DYNC2I1: variants seen among roughly 807,000 people sequenced by gnomAD.
DYNC2I1 encodes dynein 2 intermediate chain 1, also known as cytoplasmic dynein 2 intermediate chain 1.
In DYNC2I1, 89 loss-of-function variants were observed where a neutral mutation model predicts 133.4. That is an observed-to-expected ratio of 0.67 (90% CI 0.56 to 0.80). The LOEUF (loss-of-function observed/expected upper bound fraction) is 0.80. DYNC2I1 is among the 30% of genes least tolerant of loss of function. DYNC2I1 has a pLI of 0.00. For missense variants in DYNC2I1, 1,291 were observed against 1,314.5 expected (o/e 0.98, Z 0.28); for synonymous variants, 504 against 484.3 (o/e 1.04, Z -0.54).
intron 11 of DYNC2I1, among the ~76,000 whole-genome samples, chr7:158,907,273 C>CTTTTT (rs36062364): frequency 8.5e-4 from 85 of 99,560 alleles, no homozygotes; most frequent in African/African-American, 1.4e-3. Flanking sequence ...CCATGGCCTT[C>CTTTTT]TTTTTTTTTT....
At chr7:158,899,102 T>G (rs1846002656) in intron 8 of DYNC2I1, among the ~76,000 whole-genome samples, 1 of 152,226 alleles carries the variant, frequency 6.6e-6, no homozygotes, top group Non-Finnish European at 1.5e-5. Context: ...TAAAATGGCA[T>G]AGGATTTGCA....
At chr7:158,868,139 G>A (rs1158528803) in intron 1 of DYNC2I1, among the ~76,000 whole-genome samples, 2 of 152,170 alleles carry the variant, frequency 1.3e-5, no homozygotes, top group African/African-American at 2.4e-5. Context: ...GCCCACGTTC[G>A]AGGAAGGGGA....
Position 158,891,256 on chromosome 7 carries a change from C to G in DYNC2I1, c.991-9C>G, listed in dbSNP as rs1171816378. On this transcript the variant is annotated splice_polypyrimidine_tract_variant and intron_variant, in intron 7 of 24. Transcript: ENST00000407559. ...GTCCTGGCTGATGGGGCTGTTCTCT[C>G]TCCATTAGCATGGCCACGAGGAAGG... 4 of 1,613,926 alleles carry G rather than the reference C, an allele frequency of 2.5e-6. No homozygotes were observed. The highest frequency in any genetic ancestry group is 2.7e-5 in the African/African-American group (2 of 74,956).
At chr7:158,907,073 C>T (rs1034905363) in intron 11 of DYNC2I1, among the ~76,000 whole-genome samples, 2 of 151,956 alleles carry the variant, frequency 1.3e-5, no homozygotes, top group East Asian at 1.9e-4. Flanking sequence ...CGTGACTGCA[C>T]CATTGCACTC....
At chr7:158,853,660 T>C (rs376236093), upstream of DYNC2I1, among the ~76,000 whole-genome samples, 1 of 143,490 alleles carries the variant, frequency 7.0e-6, no homozygotes, top group East Asian at 2.0e-4. Context: ...CAGAGGTTTT[T>C]TTTTTTTTTT....
intron 3 of DYNC2I1, among the ~76,000 whole-genome samples, chr7:158,875,228 G>A (rs891565182): frequency 2.6e-5 from 4 of 151,674 alleles, no homozygotes; most frequent in African/African-American, 9.7e-5. Flanking sequence ...CTGAGTACCT[G>A]GGATTACAGG....
rs1282502349 is a variant in DYNC2I1 at position 158,945,491 on chromosome 7, C to T, written c.3003-90C>T. 3 of 1,354,408 alleles carry T rather than the reference C, an allele frequency of 2.2e-6. No individual in the cohort carries two copies. The highest frequency in any genetic ancestry group is 1.4e-5 in the South Asian group (1 of 71,328). 83.9% of individuals were successfully genotyped at this position (1,354,408 alleles called of 1,614,324 possible). A position where few individuals can be genotyped will look rare whatever the true frequency, so the allele number is the denominator to read the frequency against. On this transcript the variant is annotated intron_variant, in intron 24 of 24. Transcript: ENST00000407559. The surrounding 1 kb of genome is among the most constrained non-coding windows in gnomAD (Gnocchi z 4.1). The stretch of plus-strand genomic sequence containing the variant: ...AGAATTTCTCATCCGTTTCACTCTT[C>T]CCATGGAAGGTAGACATTTTGAAGA...
the DYNC2I1 span, among the ~76,000 whole-genome samples, chr7:158,840,689 T>C: frequency 6.6e-6 from 1 of 152,220 alleles, no homozygotes; most frequent in Non-Finnish European, 1.5e-5. Flanking sequence ...TCTGGGAGAA[T>C]ATTTACACAC....
rs1163570730 is a variant in DYNC2I1 at position 158,856,680 on chromosome 7, G to T, written c.-56G>T. 5 of 1,231,652 alleles carry T rather than the reference G, an allele frequency of 4.1e-6. No individual in the cohort carries two copies. Among genetic ancestry groups the T allele is most frequent in the Non-Finnish European group, 5.1e-6 (5 of 986,792 alleles). The allele number at this position is 1,231,652 out of a possible 1,614,324, so 76.3% of individuals were successfully genotyped here. Reference sequence around the variant, plus strand: ...GGGGCACAGGTGGCCTCTTCGGGGTGGACCGCGCCTGGCCGGGGCCGAGGA... The same window carrying T: ...GGGGCACAGGTGGCCTCTTCGGGGTTGACCGCGCCTGGCCGGGGCCGAGGA... On this transcript the variant is annotated 5_prime_UTR_variant, in exon 1 of 25. Transcript: ENST00000407559.
chr7:158,921,714 T>G (rs555567786), intron 15 of DYNC2I1, among the ~76,000 whole-genome samples: 2 of 152,244 alleles, frequency 1.3e-5, no homozygotes, highest in South Asian at 2.1e-4. Context: ...TGTGTGTGGC[T>G]GGGGTTGGCC....
chr7:158,843,985 T>A, the DYNC2I1 span, among the ~76,000 whole-genome samples: 1 of 152,184 alleles, frequency 6.6e-6, no homozygotes, highest in Non-Finnish European at 1.5e-5. Context: ...AGTGTGAATC[T>A]ACTTTACATG....
At position 158,942,020 on chromosome 7, in the gene DYNC2I1, C is replaced by A. The variant is rs771495058; in HGVS notation, c.2874C>A (p.Thr958=). Residue 958 remains threonine (T), a synonymous_variant, in exon 24 of 25, where the codon ACC becomes ACA. Coordinates refer to ENST00000407559, the MANE Select transcript of DYNC2I1 (RefSeq NM_018051.5). ...GCAGCACGGACAGCCATGCGGTCAC[C>A]GGCCTGCAGTGGTCCCCAACCAGGC... ...WDSSTDSHAV[T]GLQWSPTRPA... is the part of the protein sequence containing the mutation. The A allele has an allele frequency of 1.9e-6, 3 of 1,613,312 alleles. No individual in the cohort carries two copies. Among genetic ancestry groups the A allele is most frequent in the Non-Finnish European group, 2.5e-6 (3 of 1,179,784 alleles).
chr7:158,869,639 A>G (rs763984115), intron 1 of DYNC2I1: 18 of 562,748 alleles, frequency 3.2e-5, no homozygotes, highest in Non-Finnish European at 5.5e-5. Context: ...AAGTAGCCAA[A>G]GGAACACATT....
intron 5 of DYNC2I1, among the ~76,000 whole-genome samples, chr7:158,882,862 TGAGCCTTTG>T (rs1844178191): frequency 1.4e-5 from 2 of 140,040 alleles, no homozygotes; most frequent in African/African-American, 5.5e-5. Context: ...GAGGACAGAG[TGAGCCTTTG>T]TCTCAAAAAA....
chr7:158,923,373 A>C (rs1219765066), intron 16 of DYNC2I1, among the ~76,000 whole-genome samples, 198 bp from the exon 17 acceptor site: 9 of 152,042 alleles, frequency 5.9e-5, no homozygotes, highest in Admixed American at 5.9e-4. Context: ...TGGGTTTCTC[A>C]TCCCTATTCT....
the DYNC2I1 span, among the ~76,000 whole-genome samples, chr7:158,840,235 G>A: frequency 6.6e-6 from 1 of 151,786 alleles, no homozygotes; most frequent in African/African-American, 2.4e-5. Flanking sequence ...GCAACAAAGT[G>A]AGACATTGTC....
chr7:158,870,882 G>A (rs1024422419), intron 2 of DYNC2I1, among the ~76,000 whole-genome samples: 2 of 152,068 alleles, frequency 1.3e-5, no homozygotes, highest in Non-Finnish European at 1.5e-5. Flanking sequence ...TTGATTTGCC[G>A]ATCAGTGTGA....
the DYNC2I1 span, among the ~76,000 whole-genome samples, chr7:158,842,258 A>G: frequency 6.6e-6 from 1 of 151,982 alleles, no homozygotes; most frequent in African/African-American, 2.4e-5. Context: ...CAAACTCCTG[A>G]CCTTGTGATC....
intron 23 of DYNC2I1, among the ~76,000 whole-genome samples, chr7:158,939,422 G>C (rs117679891): frequency 2.0e-5 from 3 of 152,110 alleles, no homozygotes; most frequent in Non-Finnish European, 2.9e-5. Flanking sequence ...CTTCAGTCTA[G>C]GTCACAGAAT....
Sources: gnomAD v4.1 joint callset for allele counts (sites outside exome capture counted in the v4.1 genomes callset) on GRCh38, gnomAD v4.1.1 for gene constraint, Gnocchi (gnomAD v3.1) non-coding constraint, MANE v1.5 for transcripts, NCBI Gene and HGNC (gene_info 2026-07-23, HGNC 2026-07-21) for gene names.